TAS1R2: variants seen among roughly 807,000 people sequenced by gnomAD.
TAS1R2 encodes the protein taste receptor type 1 member 2.
A neutral mutation model predicts 49.3 loss-of-function variants in TAS1R2; 47 were observed. That is an observed-to-expected ratio of 0.95 (90% CI 0.75 to 1.22). The LOEUF is 1.22. Ranked by LOEUF, TAS1R2 falls within the 50% of genes most tolerant of loss-of-function variation. The pLI is 0.00. For missense variants in TAS1R2, 1,155 were observed against 1,122.1 expected, an observed-to-expected ratio of 1.03 and a Z score of -0.42; for synonymous variants, 479 against 467.9, an observed-to-expected ratio of 1.02 and a Z score of -0.31.
chr1:18,856,790 G>A (rs1024947336), intron 2 of TAS1R2, among the ~76,000 whole-genome samples: 7 of 152,104 alleles, frequency 4.6e-5, no homozygotes, highest in Non-Finnish European at 1.0e-4. Flanking sequence ...ACTGCACTTG[G>A]CACTTTCAAT....
chr1:18,853,063 C>A (rs1242245137), intron 3 of TAS1R2, among the ~76,000 whole-genome samples: 1 of 152,166 alleles, frequency 6.6e-6, no homozygotes, highest in South Asian at 2.1e-4. Flanking sequence ...TGGGAGGATG[C>A]CCAGAAGGTG....
At chr1:18,851,190 GGAGAAATGTGGA>G (rs1934017603) in intron 3 of TAS1R2, among the ~76,000 whole-genome samples, 2 of 152,270 alleles carry the variant, frequency 1.3e-5, no homozygotes, top group South Asian at 2.1e-4. Flanking sequence ...CCCGAGGGGT[GGAGAAATGTGGA>G]GAGAGCTGTG....
chr1:18,857,340 G>A (rs1349691776), exon 2 of TAS1R2: 1 of 1,613,462 alleles, frequency 6.2e-7, no homozygotes, highest in Admixed American at 1.7e-5. Flanking sequence ...CCTGTGGAAG[G>A]AGAAATAGGG....
chr1:18,851,654 T>C (rs1446148472), intron 3 of TAS1R2, among the ~76,000 whole-genome samples: 2 of 152,180 alleles, frequency 1.3e-5, no homozygotes, highest in Non-Finnish European at 2.9e-5. Context: ...TTTGCTGTGA[T>C]GGCCACAAAT....
At chr1:18,857,219 TG>T in intron 2 of TAS1R2, 111 bp downstream of exon 2, 2 of 1,233,066 alleles carry the variant, frequency 1.6e-6, no homozygotes, top group Non-Finnish European at 1.1e-6. Context: ...ACCCTGCTTC[TG>T]GTCCTATCAT....
At position 18,854,384 on chromosome 1, in the gene TAS1R2, C is replaced by T. The variant is rs1418451203; in HGVS notation, c.1086G>A (p.Glu362=). The change falls in exon 3 of 6, where the codon GAG becomes GAA. Residue 362 remains glutamate, a synonymous_variant. Coordinates refer to ENST00000375371, the Ensembl canonical transcript of TAS1R2. The surrounding 1 kb of genome is among the most constrained non-coding windows in gnomAD (Gnocchi z 4.9). ...AGGTGGCGTTCAGGCAGTTGTCGCACTCCTGGTTGCAGGTATAGCTCTGGC... is the reference window on the plus strand; with the variant it reads ...AGGTGGCGTTCAGGCAGTTGTCGCATTCCTGGTTGCAGGTATAGCTCTGGC... 1 of 1,613,862 alleles carries T rather than the reference C, an allele frequency of 6.2e-7. No homozygotes were observed. The highest frequency in any genetic ancestry group is 8.5e-7 in the Non-Finnish European group (1 of 1,179,938).
exon 1 of TAS1R2, chr1:18,859,499 C>T (rs761214235): frequency 4.3e-6 from 7 of 1,613,942 alleles, no homozygotes; most frequent in Non-Finnish European, 5.9e-6. Context: ...TGGGCACCTG[C>T]AGGAAGTTAA....
chr1:18,842,515 G>A (rs1235762711), intron 4 of TAS1R2, among the ~76,000 whole-genome samples: 2 of 152,188 alleles, frequency 1.3e-5, no homozygotes, highest in African/African-American at 4.8e-5. Context: ...TAACAGGTAT[G>A]TTCCCCAACA....
At chr1:18,858,201 A>T (rs953823412) in intron 1 of TAS1R2, 1 of 155,378 alleles carries the variant, frequency 6.4e-6, no homozygotes, top group African/African-American at 2.4e-5. Context: ...CACCATCATC[A>T]GCACCATCAT....
intron 5 of TAS1R2, 127 bp from the exon 6 acceptor site, chr1:18,840,654 G>A: frequency 2.2e-6 from 2 of 896,484 alleles, no homozygotes. Flanking sequence ...TGCATTCACA[G>A]CCAGTACTCC....
chr1:18,844,788 A>G (rs111727523), intron 4 of TAS1R2, among the ~76,000 whole-genome samples: 5 of 151,650 alleles, frequency 3.3e-5, no homozygotes, highest in Non-Finnish European at 5.9e-5. Context: ...AAGAAGGTTG[A>G]CTTGTCCAAT....
intron 5 of TAS1R2, among the ~76,000 whole-genome samples, chr1:18,841,458 T>C (rs1433658961): frequency 6.6e-6 from 1 of 152,222 alleles, no homozygotes; most frequent in Non-Finnish European, 1.5e-5. Context: ...TATGTGTGTG[T>C]GGAGTGGGAT....
At chr1:18,846,278 G>A (rs149527253) in intron 4 of TAS1R2, among the ~76,000 whole-genome samples, 1 of 152,192 alleles carries the variant, frequency 6.6e-6, no homozygotes, top group Non-Finnish European at 1.5e-5. Flanking sequence ...GGGAGCTAGT[G>A]GATTACTGCC....
At chr1:18,849,395 C>A in exon 4 of TAS1R2, 1 of 1,614,184 alleles carries the variant, frequency 6.2e-7, no homozygotes, top group Non-Finnish European at 8.5e-7. Flanking sequence ...GCTGTCGCTG[C>A]AGGGGGTAGT....
In TAS1R2 at chr1:18,849,569, A is replaced by G. The variant is rs1297767241; in HGVS notation, c.1258-19T>C. On this transcript the variant is annotated intron_variant, in intron 3 of 5. Coordinates refer to ENST00000375371, the Ensembl canonical transcript of TAS1R2. ...CAAGCAGCTGGCGGGGTCAGAGGGAAGGGAAGTGGAGCTAGCATCAGAATC... is the reference window on the plus strand; with the variant it reads ...CAAGCAGCTGGCGGGGTCAGAGGGAGGGGAAGTGGAGCTAGCATCAGAATC... 6.2e-7 allele frequency: 1 copy of G among 1,612,676 alleles called. No homozygotes were observed. The highest frequency in any genetic ancestry group is 8.5e-7 in the Non-Finnish European group (1 of 1,178,862).
chr1:18,850,680 C>A (rs1253408214), intron 3 of TAS1R2, among the ~76,000 whole-genome samples: 3 of 152,252 alleles, frequency 2.0e-5, no homozygotes, highest in Non-Finnish European at 4.4e-5. Flanking sequence ...GATATCACCC[C>A]CAAGGGGTCG....
At chr1:18,850,212 A>G (rs577800451) in intron 3 of TAS1R2, among the ~76,000 whole-genome samples, 2 of 152,340 alleles carry the variant, frequency 1.3e-5, no homozygotes, top group South Asian at 2.1e-4. Flanking sequence ...GTCCAGTCCC[A>G]GTTCTGTTCG....
intron 4 of TAS1R2, among the ~76,000 whole-genome samples, chr1:18,842,581 A>T (rs920237937): frequency 6.6e-6 from 1 of 152,282 alleles, no homozygotes; most frequent in Non-Finnish European, 1.5e-5. Flanking sequence ...ATTCAAAGAC[A>T]TGTGGAAATT....
chr1:18,849,273 C>T (rs984522324), intron 4 of TAS1R2, 68 bp downstream of exon 4: 46 of 1,552,470 alleles, frequency 3.0e-5, no homozygotes, highest in Non-Finnish European at 4.0e-5. Context: ...GAAAAGGGCC[C>T]TAGCCACTCC....
Sources: gnomAD v4.1 joint callset for allele counts (sites outside exome capture counted in the v4.1 genomes callset) on GRCh38, gnomAD v4.1.1 for gene constraint, Gnocchi (gnomAD v3.1) non-coding constraint, MANE v1.5 for transcripts, NCBI Gene and HGNC (gene_info 2026-07-23, HGNC 2026-07-21) for gene names.